The following MARCHF5 variants were observed in gnomAD, a reference collection of about 807,000 sequenced individuals.
MARCHF5 encodes E3 ubiquitin-protein ligase MARCHF5.
MARCHF5 carries 5 observed loss-of-function variants against 36.5 expected under a neutral mutation model. The ratio of observed to expected loss-of-function variants is 0.14; its 90% CI spans 0.07 to 0.29. The LOEUF is 0.29. MARCHF5 is among the 10% of genes least tolerant of loss of function. The pLI is 1.00. For missense variants in MARCHF5, 179 were observed against 336.3 expected (o/e 0.53, Z 3.66); for synonymous variants, 103 against 109.9 (o/e 0.94, Z 0.39).
chr10:92,316,051 A>G (rs974339896), intron 2 of MARCHF5, among the ~76,000 whole-genome samples: 4 of 152,242 alleles, frequency 2.6e-5, no homozygotes, highest in Admixed American at 6.5e-5. Context: ...TTGGTCCCCA[A>G]AGACACTTGA....
Position 92,351,112 on chromosome 10 carries a change from A to G in MARCHF5, c.742A>G (p.Ile248Val). The change falls in exon 6 of 6, where the codon ATA becomes GTA. Residue 248 changes from isoleucine (I) to valine (V), a missense_variant. Transcript: ENST00000358935. The stretch of plus-strand genomic sequence containing the variant: ...TTAGGGTGGAATTGCGTTTGTTGCC[A>G]TAAAAGGAGCATTTAAAGTTTACTT... ...TILGGIAFVA[I>V]KGAFKVYFKQ... is the part of the protein sequence containing the mutation. 6.2e-7 allele frequency: 1 copy of G among 1,611,614 alleles called. No individual in the cohort carries two copies. Among genetic ancestry groups the G allele is most frequent in the Non-Finnish European group, 8.5e-7 (1 of 1,178,440 alleles).
chr10:92,301,094 C>T (rs1190798845), intron 1 of MARCHF5, among the ~76,000 whole-genome samples: 1 of 152,008 alleles, frequency 6.6e-6, no homozygotes, highest in Non-Finnish European at 1.5e-5. Flanking sequence ...ACTGTTTTGG[C>T]CAGGCTGGCC....
intron 2 of MARCHF5, among the ~76,000 whole-genome samples, chr10:92,337,375 G>A (rs12358967): frequency 0.34 from 50,927 of 151,766 alleles, 10,736 homozygotes; most frequent in Middle Eastern, 0.52. Context: ...TTAGCCGGGC[G>A]TGGTGGCACA....
intron 1 of MARCHF5, among the ~76,000 whole-genome samples, chr10:92,310,709 A>G (rs1843134865): frequency 6.6e-6 from 1 of 152,128 alleles, no homozygotes; most frequent in South Asian, 2.1e-4. Context: ...CTCGTGTAAT[A>G]CTTTGTTTTT....
At chr10:92,334,017 C>T (rs1843471364) in intron 2 of MARCHF5, among the ~76,000 whole-genome samples, 1 of 151,996 alleles carries the variant, frequency 6.6e-6, no homozygotes, top group African/African-American at 2.4e-5. Flanking sequence ...TGGCAAAACC[C>T]CATCTCCGCT....
At chr10:92,298,272 C>G (rs1842971590) in intron 1 of MARCHF5, among the ~76,000 whole-genome samples, 1 of 152,054 alleles carries the variant, frequency 6.6e-6, no homozygotes, top group Admixed American at 6.6e-5. Flanking sequence ...ATCACGTTAC[C>G]TTTTTCTTCC....
chr10:92,350,332 G>A (rs1843702315), intron 5 of MARCHF5: 1 of 154,046 alleles, frequency 6.5e-6, no homozygotes, highest in Admixed American at 6.5e-5. Flanking sequence ...AACCTGCACG[G>A]ACCTTGGAGG....
At chr10:92,335,172 A>G (rs1161501403) in intron 2 of MARCHF5, among the ~76,000 whole-genome samples, 1 of 152,220 alleles carries the variant, frequency 6.6e-6, no homozygotes, top group Non-Finnish European at 1.5e-5. Context: ...TAAGGTTTTC[A>G]AAGGCTGCTG....
intron 1 of MARCHF5, among the ~76,000 whole-genome samples, chr10:92,295,015 C>T (rs1363956940): frequency 6.6e-6 from 1 of 152,080 alleles, no homozygotes. Context: ...GCCCAGGTAA[C>T]AGAGCAAGAC....
chr10:92,304,637 A>G (rs917520864), intron 1 of MARCHF5, among the ~76,000 whole-genome samples: 9 of 152,230 alleles, frequency 5.9e-5, no homozygotes, highest in African/African-American at 2.2e-4. Flanking sequence ...GCTGTAAAGT[A>G]ATATGAAAAT....
At chr10:92,332,387 A>C (rs1300658325) in intron 2 of MARCHF5, among the ~76,000 whole-genome samples, 2 of 152,110 alleles carry the variant, frequency 1.3e-5, no homozygotes, top group African/African-American at 4.8e-5. Context: ...AGTCAATCAG[A>C]GATGAAACTT....
intron 2 of MARCHF5, among the ~76,000 whole-genome samples, chr10:92,320,218 T>C (rs1843274328): frequency 2.5e-5 from 2 of 79,026 alleles, no homozygotes; most frequent in African/African-American, 1.9e-4. Context: ...CAAACCTGGC[T>C]AATTTTTTTT....
In MARCHF5 at chr10:92,340,792, A is replaced by T; in HGVS notation, c.358A>T (p.Thr120Ser). ...GACAGCTGTGACTTATGGAGCAGTGACAGTGATGCAGGTTCACTATTTTAC... is the reference window on the plus strand; with the variant it reads ...GACAGCTGTGACTTATGGAGCAGTGTCAGTGATGCAGGTTCACTATTTTAC... ...YWTAVTYGAV[T>S]VMQVVGHKEG... The change falls in exon 3 of 6, where the codon ACA (threonine) becomes TCA (serine). Residue 120 changes from threonine to serine, a missense_variant. This residue lies in a region of MARCHF5 where 66 missense variants were observed against 180.5 expected (regional missense o/e 0.37). Transcript: ENST00000358935. 1 of 1,610,844 alleles carries T rather than the reference A, an allele frequency of 6.2e-7. No individual in the cohort carries two copies. The highest frequency in any genetic ancestry group is 8.5e-7 in the Non-Finnish European group (1 of 1,178,858).
intron 2 of MARCHF5, among the ~76,000 whole-genome samples, chr10:92,322,697 G>A (rs1298761099): frequency 6.7e-6 from 1 of 150,246 alleles, no homozygotes; most frequent in Non-Finnish European, 1.5e-5. Flanking sequence ...AATCAGCCCA[G>A]CTAGGCCTCC....
chr10:92,340,636 C>T (rs771752834), intron 2 of MARCHF5, 37 bp from the exon 3 acceptor site: 2 of 1,546,304 alleles, frequency 1.3e-6, no homozygotes, highest in South Asian at 1.2e-5. Context: ...AAAGTTCACC[C>T]TGTGTTGAAC....
At chr10:92,300,265 A>T (rs1322154102) in intron 1 of MARCHF5, among the ~76,000 whole-genome samples, 3 of 151,874 alleles carry the variant, frequency 2.0e-5, no homozygotes, top group Admixed American at 1.3e-4. Context: ...AGATTGCTTG[A>T]GCCCAAGAGT....
chr10:92,330,979 C>T (rs1843428880), intron 2 of MARCHF5, among the ~76,000 whole-genome samples: 1 of 152,118 alleles, frequency 6.6e-6, no homozygotes, highest in South Asian at 2.1e-4. Flanking sequence ...TGTCAGGTTA[C>T]CTTCCTCAGG....
chr10:92,333,018 G>A (rs532593944), intron 2 of MARCHF5, among the ~76,000 whole-genome samples: 1 of 152,026 alleles, frequency 6.6e-6, no homozygotes, highest in South Asian at 2.1e-4. Context: ...AAATTAGCCA[G>A]GCATGGTGAC....
chr10:92,306,482 A>G (rs1843074257), intron 1 of MARCHF5, among the ~76,000 whole-genome samples: 1 of 152,196 alleles, frequency 6.6e-6, no homozygotes, highest in Non-Finnish European at 1.5e-5. Flanking sequence ...TAGAAGGTAG[A>G]AGGACTTGTG....
Sources: allele counts gnomAD v4.1 joint callset (sites outside exome capture counted in the v4.1 genomes callset), GRCh38; gene constraint gnomAD v4.1.1; regional missense constraint gnomAD v4.1.1; transcripts MANE v1.5; gene names NCBI Gene and HGNC (gene_info 2026-07-23, HGNC 2026-07-21).